Variants in PFAS observed in about 807,000 individuals in gnomAD.
The protein encoded by PFAS is FGAM synthase.
A neutral mutation model predicts 140.6 loss-of-function variants in PFAS; 97 were observed. That is an observed-to-expected ratio of 0.69 (90% CI 0.59 to 0.82). The LOEUF is 0.82. PFAS is among the 40% of genes least tolerant of loss of function. The probability of loss-of-function intolerance (pLI) is 0.00; values close to 1 mark genes in which losing one functional copy is unlikely to be tolerated. For synonymous variants in PFAS, 679 were observed against 718.8 expected (o/e 0.94, Z 0.88); for missense variants, 1,656 against 1,780.2 (o/e 0.93, Z 1.26).
rs774484531 is a variant in PFAS, at chr17:8,254,316, C to T, written c.278+15C>T. 1.2e-6 allele frequency: 2 copies of T among 1,613,546 alleles called. No homozygotes were observed. Among genetic ancestry groups the T allele is most frequent in the East Asian group, 2.2e-5 (1 of 44,882 alleles). On this transcript the variant is annotated intron_variant, in intron 3 of 27. Transcript: ENST00000314666. Reference sequence around the variant, plus strand: ...GTCGGGCCCAGGTAAGTATCTCATCCTGCCCACCCCTTTCTTCTGCTTTCC... The same window carrying T: ...GTCGGGCCCAGGTAAGTATCTCATCTTGCCCACCCCTTTCTTCTGCTTTCC...
rs1567641703 is a variant in PFAS, at chr17:8,263,001, G to T, written c.1410+8G>T. ...GCTGCTTCATCTGTGCAGGTGAGTG[G>T]GAATTGCTAAAGGTGCAGAATCCTT... On this transcript the variant is annotated splice_region_variant and intron_variant, in intron 12 of 27. Coordinates refer to ENST00000314666, the MANE Select transcript of PFAS (RefSeq NM_012393.3). 1 of 1,613,506 alleles carries T rather than the reference G, an allele frequency of 6.2e-7. No homozygotes were observed. The highest frequency in any genetic ancestry group is 2.2e-5 in the East Asian group (1 of 44,884).
rs760012392 is a variant in PFAS at position 8,267,172 on chromosome 17, C to T, written c.3112C>T (p.Arg1038Trp). 13 of 1,607,598 alleles carry T rather than the reference C, an allele frequency of 8.1e-6. No homozygotes were observed. Among genetic ancestry groups the T allele is most frequent in the Admixed American group, 6.8e-5 (4 of 58,904 alleles). Residue 1038 changes from arginine to tryptophan, a missense_variant, in exon 24 of 28, where the codon CGG becomes TGG. Arg to Trp is a moderately radical substitution (Grantham distance 101, BLOSUM62 -3). This residue lies in a region of PFAS where 883 missense variants were observed against 1,023.0 expected (regional missense o/e 0.86). Transcript: ENST00000314666. This position sits in a 1 kb window ranked among gnomAD's most constrained non-coding sequence, Gnocchi z 4.9. ...VAEEERGLRERMGPSYCLPPT... is the reference protein window; with the variant it reads ...VAEEERGLREWMGPSYCLPPT... ...AGAGGAGGAACGGGGCCTGAGGGAG[C>T]GGATGGGGCCCAGCTATTGCCTGCC...
Position 8,266,202 on chromosome 17 carries a change from G to A in PFAS, c.2702-32G>A, listed in dbSNP as rs373656185. On this transcript the variant is annotated intron_variant, in intron 21 of 27. Coordinates refer to ENST00000314666, the MANE Select transcript of PFAS (RefSeq NM_012393.3). The surrounding 1 kb of genome is among the most constrained non-coding windows in gnomAD (Gnocchi z 5.0). ...GGTGGGGCTGTCAGGTTTGGGTCCC[G>A]AGGTTGCTGAGCTTTCTTCTCCTTC... The A allele has an allele frequency of 1.2e-5, 20 of 1,612,362 alleles. No homozygotes were observed. The highest frequency in any genetic ancestry group is 1.7e-5 in the Admixed American group (1 of 59,886).
At chr17:8,261,125 A>ATT (rs1989574714) in intron 11 of PFAS, among the ~76,000 whole-genome samples, 1 of 152,220 alleles carries the variant, frequency 6.6e-6, no homozygotes, top group African/African-American at 2.4e-5. Context: ...AACACTTGTT[A>ATT]ATATCTGTCC....
chr17:8,267,311 G>C lies in PFAS; in HGVS notation c.3176-61G>C, dbSNP rs1989858417. On this transcript the variant is annotated intron_variant, in intron 24 of 27. Coordinates refer to ENST00000314666, the MANE Select transcript of PFAS (RefSeq NM_012393.3). The surrounding 1 kb of genome is among the most constrained non-coding windows in gnomAD (Gnocchi z 4.9). ...TGCCTGGGCCTGCCCTCAGAAAGGT[G>C]TCTGGGGAGTTGGGGTGGGGAAGTG... 6.3e-7 allele frequency: 1 copy of C among 1,588,698 alleles called. No individual in the cohort carries two copies. The highest frequency in any genetic ancestry group is 8.6e-7 in the Non-Finnish European group (1 of 1,157,778).
chr17:8,264,231 G>A lies in PFAS; in HGVS notation c.1811G>A (p.Arg604Gln), dbSNP rs565012255. 4.1e-5 allele frequency: 66 copies of A among 1,614,052 alleles called. No homozygotes were observed. The highest frequency in any genetic ancestry group is 3.1e-4 in the East Asian group (14 of 44,868). The part of the protein sequence containing the change: ...GDRRIVLVDD[R>Q]ECPVRRNGQG... ...CTATAGATAGTGCTGGTGGACGATC[G>A]GGAGTGTCCTGTCAGAAGAAATGGC... is the stretch of plus-strand genomic sequence containing the variant. The change falls in exon 16 of 28, where the codon CGG (arginine) becomes CAG (glutamine). Residue 604 changes from arginine to glutamine, a missense_variant. Transcript: ENST00000314666.
chr17:8,260,306 A>G lies in PFAS; in HGVS notation c.1336+2107A>G, dbSNP rs149302651. Among the ~76,000 whole-genome samples, 3 of 152,294 alleles carry G rather than the reference A, an allele frequency of 2.0e-5. No homozygotes were observed. The South Asian group carries it at 6.2e-4, about 32-fold the overall frequency. On this transcript the variant is annotated intron_variant, in intron 11 of 27. Coordinates refer to ENST00000314666, the MANE Select transcript of PFAS (RefSeq NM_012393.3). ...CTAGGCAATAGGAATTTTTCAGCAC[A>G]ATTATAATCTTAAGGGATCACTGTT...
At position 8,256,841 on chromosome 17, in the gene PFAS, G is replaced by C; in HGVS notation, c.953G>C (p.Cys318Ser). 6.2e-7 allele frequency: 1 copy of C among 1,603,402 alleles called. No individual in the cohort carries two copies. Among genetic ancestry groups the C allele is most frequent in the Non-Finnish European group, 8.5e-7 (1 of 1,174,788 alleles). ...AETHNFPTGV[C>S]PFSGATTGTG... ...CCCCACTCTCTCTTTGCAGGAGTAT[G>C]CCCCTTTAGTGGTGCAACCACTGGC... is the stretch of plus-strand genomic sequence containing the variant. Residue 318 changes from cysteine (C) to serine (S), a missense_variant, in exon 9 of 28, where the codon TGC becomes TCC. Cys to Ser is a moderately radical substitution (Grantham distance 112, BLOSUM62 -1). This residue lies in a region of PFAS where 773 missense variants were observed against 757.3 expected (regional missense o/e 1.02). Transcript: ENST00000314666.
rs1199524351 is a variant in PFAS at position 8,263,921 on chromosome 17, C to T, written c.1776C>T (p.Ile592=). ...GCCCGGCTTGCTTCGTGGGCACCAT[C>T]ACTGGAGACCGGAGAGTGAGTTGGC... ...ERCPACFVGT[I]TGDRRIVLVD... The change falls in exon 15 of 28, where the codon ATC becomes ATT. Residue 592 remains isoleucine (I), a synonymous_variant. Coordinates refer to ENST00000314666, the MANE Select transcript of PFAS (RefSeq NM_012393.3). 2 of 1,612,970 alleles carry T rather than the reference C, an allele frequency of 1.2e-6. No homozygotes were observed. Among genetic ancestry groups the T allele is most frequent in the South Asian group, 1.1e-5 (1 of 91,076 alleles).
chr17:8,260,432 G>T (rs935363526), intron 11 of PFAS, among the ~76,000 whole-genome samples: 1 of 152,118 alleles, frequency 6.6e-6, no homozygotes, highest in Admixed American at 6.6e-5. Context: ...CTTTCACTTA[G>T]CTTAATGTTT....
intron 6 of PFAS, 149 bp downstream of exon 6, chr17:8,256,059 T>G: frequency 1.2e-6 from 1 of 803,846 alleles, no homozygotes; most frequent in Non-Finnish European, 2.0e-6. Context: ...GAGTCTACAT[T>G]CAAATCTTGG....
chr17:8,258,789 A>T (rs189539699), intron 11 of PFAS, among the ~76,000 whole-genome samples: 2 of 152,204 alleles, frequency 1.3e-5, no homozygotes, highest in African/African-American at 4.8e-5. Context: ...GATCGAGACC[A>T]TCCTGGCTAA....
chr17:8,247,698 A>G (rs915145981), upstream of PFAS: 2 of 364,052 alleles, frequency 5.5e-6, no homozygotes, highest in African/African-American at 4.2e-5. Flanking sequence ...AGCTCCGTCA[A>G]GGGTCTTCTC....
intron 9 of PFAS, 30 bp downstream of exon 9, chr17:8,256,993 C>T (rs746521280): frequency 6.2e-7 from 1 of 1,612,838 alleles, no homozygotes; most frequent in Non-Finnish European, 8.5e-7. Context: ...TATCCACCTT[C>T]CCTTCCAGAT....
chr17:8,264,027 A>T (rs894250183), intron 15 of PFAS, 91 bp downstream of exon 15: 3 of 1,524,628 alleles, frequency 2.0e-6, no homozygotes, highest in African/African-American at 2.7e-5. Flanking sequence ...AGGGAGAGAG[A>T]CGAGAGGAAG....
chr17:8,256,790 T>C (rs767326289), intron 8 of PFAS, 45 bp from the exon 9 acceptor site: 1 of 1,558,726 alleles, frequency 6.4e-7, no homozygotes, highest in Non-Finnish European at 8.7e-7. Context: ...GAGATGGGGG[T>C]TTGTCTCTGA....
At chr17:8,254,917 G>A (rs1989298234) in intron 3 of PFAS, 110 bp from the exon 4 acceptor site, 2 of 744,084 alleles carry the variant, frequency 2.7e-6, no homozygotes, top group Admixed American at 2.1e-5. Flanking sequence ...AAAGCCAATG[G>A]TGAGGGGATA....
rs1989673591 is a variant in PFAS at position 8,263,386 on chromosome 17, C to G, written c.1567+121C>G. ...AGCTCTGGGTCCCATTCTCCATGCTCTGTACATTCTAGACAGGTTCAGGGT... is the reference window on the plus strand; with the variant it reads ...AGCTCTGGGTCCCATTCTCCATGCTGTGTACATTCTAGACAGGTTCAGGGT... On this transcript the variant is annotated intron_variant, in intron 13 of 27. Coordinates refer to ENST00000314666, the MANE Select transcript of PFAS (RefSeq NM_012393.3). 4.3e-6 allele frequency: 5 copies of G among 1,164,266 alleles called. No individual in the cohort carries two copies. The Admixed American group carries it at 5.6e-5, about 13-fold the overall frequency. 72.1% of individuals were successfully genotyped at this position (1,164,266 alleles called of 1,614,324 possible).
rs754167320 is a variant in PFAS at position 8,263,592 on chromosome 17, C to T, written c.1585C>T (p.Leu529=). Reference sequence around the variant, plus strand: ...CTCACCAGGCAATGTCCTAAAAGAGCTGAGTGACCCAGCTGGAGCCATCAT... The same window carrying T: ...CTCACCAGGCAATGTCCTAAAAGAGTTGAGTGACCCAGCTGGAGCCATCAT... The part of the protein sequence containing the change: ...AGGNGNVLKE[L]SDPAGAIIYT... The change falls in exon 14 of 28, where the codon CTG becomes TTG. Residue 529 remains leucine (L), a synonymous_variant. Coordinates refer to ENST00000314666, the MANE Select transcript of PFAS (RefSeq NM_012393.3). 8 of 1,614,082 alleles carry T rather than the reference C, an allele frequency of 5.0e-6. No individual in the cohort carries two copies. In the Admixed American group the frequency reaches 1.3e-4, roughly 27 times the overall value.
Sources: gnomAD v4.1 joint callset for allele counts (sites outside exome capture counted in the v4.1 genomes callset) on GRCh38, gnomAD v4.1.1 for gene constraint, gnomAD v4.1.1 regional missense constraint, Gnocchi (gnomAD v3.1) non-coding constraint, MANE v1.5 for transcripts, NCBI Gene and HGNC (gene_info 2026-07-23, HGNC 2026-07-21) for gene names.